OTUD7A: variants seen among roughly 807,000 people sequenced by gnomAD.
The protein encoded by OTUD7A is OTU domain-containing protein 7A.
OTUD7A carries 12 observed loss-of-function variants against 65.7 expected under a neutral mutation model. The ratio of observed to expected loss-of-function variants is 0.18; its 90% CI spans 0.12 to 0.30. The LOEUF is 0.30. Ranked by LOEUF, OTUD7A falls within the 10% of genes least tolerant of loss-of-function variation. The probability of loss-of-function intolerance (pLI) is 1.00; values close to 1 mark genes in which losing one functional copy is unlikely to be tolerated. For missense variants in OTUD7A, 1,148 were observed against 1,304.8 expected (o/e 0.88, Z 1.85); for synonymous variants, 641 against 586.3 (o/e 1.09, Z -1.35).
At chr15:31,834,403 T>C (rs1476406756) in intron 1 of OTUD7A, among the ~76,000 whole-genome samples, 1 of 152,238 alleles carries the variant, frequency 6.6e-6, no homozygotes, top group Non-Finnish European at 1.5e-5. Flanking sequence ...TTTTGTTTTG[T>C]TTTGTTTTGT....
At chr15:31,814,102 AGCTTATTTCTCACGCAT>A (rs1368386320) in intron 1 of OTUD7A, among the ~76,000 whole-genome samples, 2 of 152,242 alleles carry the variant, frequency 1.3e-5, no homozygotes, top group Non-Finnish European at 2.9e-5. Flanking sequence ...TACCCACAAC[AGCTTATTTCTCACGCAT>A]GCTAATTATG....
chr15:31,867,915 G>T (rs907684712), intron 1 of OTUD7A, among the ~76,000 whole-genome samples: 1 of 151,156 alleles, frequency 6.6e-6, no homozygotes, highest in African/African-American at 2.4e-5. Flanking sequence ...AGGGGGAGGG[G>T]CGGGGGGCGG....
intron 10 of OTUD7A, 63 bp downstream of exon 10, chr15:31,501,627 C>T: frequency 6.3e-7 from 1 of 1,599,980 alleles, no homozygotes; most frequent in Non-Finnish European, 8.6e-7. Context: ...CAATGGGGTC[C>T]CTTCTGATGG....
At chr15:31,860,070 T>C (rs964887655) in intron 1 of OTUD7A, among the ~76,000 whole-genome samples, 3 of 152,224 alleles carry the variant, frequency 2.0e-5, no homozygotes, top group African/African-American at 7.2e-5. Flanking sequence ...ATATGACATA[T>C]CCATGTGACC....
At chr15:31,721,222 T>C (rs1173866006) in intron 1 of OTUD7A, among the ~76,000 whole-genome samples, 1 of 152,300 alleles carries the variant, frequency 6.6e-6, no homozygotes, top group Non-Finnish European at 1.5e-5. Context: ...TGTATCTATA[T>C]GTCTGGATAC....
intron 1 of OTUD7A, among the ~76,000 whole-genome samples, chr15:31,678,615 C>T (rs1892644491): frequency 6.6e-6 from 1 of 152,228 alleles, no homozygotes; most frequent in Admixed American, 6.5e-5. Context: ...AGCCCCAAGC[C>T]TTGGCAGCTT....
intron 1 of OTUD7A, among the ~76,000 whole-genome samples, chr15:31,737,472 G>A (rs557102247): frequency 6.6e-6 from 1 of 152,342 alleles, no homozygotes; most frequent in African/African-American, 2.4e-5. Context: ...CCCTGGGGAT[G>A]ACATCCAGGG....
intron 1 of OTUD7A, among the ~76,000 whole-genome samples, chr15:31,724,163 C>T (rs1279996664): frequency 1.3e-5 from 2 of 152,080 alleles, no homozygotes; most frequent in Non-Finnish European, 2.9e-5. Flanking sequence ...CTGTGTATTA[C>T]GGGCATTACA....
Position 31,484,497 on chromosome 15 carries a change from G to C in OTUD7A, c.1599C>G (p.Ile533Met). 6.2e-7 allele frequency: 1 copy of C among 1,609,090 alleles called. No individual in the cohort carries two copies. The highest frequency in any genetic ancestry group is 8.5e-7 in the Non-Finnish European group (1 of 1,179,972). The change falls in exon 13 of 13, where the codon ATC becomes ATG. Residue 533 changes from isoleucine (I) to methionine (M), a missense_variant. By Grantham distance (10) the Ile-to-Met change is conservative. Transcript: ENST00000307050. This position sits in a 1 kb window ranked among gnomAD's most constrained non-coding sequence, Gnocchi z 4.5. ...GGCCGCCCATGTTTTTCTTCAGCTT[G>C]ATGCCCAGCGTCTTGCTGAAGCTGC... ...KLGSFSKTLG[I>M]KLKKNMGGLG...
chr15:31,530,666 C>T (rs1469439596), intron 6 of OTUD7A, 41 bp downstream of exon 6: 2 of 1,571,430 alleles, frequency 1.3e-6, no homozygotes, highest in Admixed American at 3.4e-5. Flanking sequence ...CTTACGCAGG[C>T]CTGGAGCCTG....
intron 1 of OTUD7A, among the ~76,000 whole-genome samples, chr15:31,688,613 C>T (rs903545118): frequency 4.6e-5 from 7 of 152,196 alleles, no homozygotes; most frequent in African/African-American, 1.4e-4. Context: ...ATCACTTTAT[C>T]GATATTATAT....
At chr15:31,820,467 T>C (rs1896650574) in intron 1 of OTUD7A, among the ~76,000 whole-genome samples, 1 of 152,236 alleles carries the variant, frequency 6.6e-6, no homozygotes, top group South Asian at 2.1e-4. Context: ...AAACTGACAT[T>C]GATGCAATCG....
intron 3 of OTUD7A, among the ~76,000 whole-genome samples, chr15:31,641,554 A>G (rs1891517810): frequency 6.6e-6 from 1 of 152,168 alleles, no homozygotes; most frequent in Non-Finnish European, 1.5e-5. Context: ...AACAATATTG[A>G]GTCTTTTGAC....
chr15:31,484,331 A>C lies in OTUD7A; in HGVS notation c.1765T>G (p.Ser589Ala). 6.3e-7 allele frequency: 1 copy of C among 1,599,840 alleles called. No homozygotes were observed. Among genetic ancestry groups the C allele is most frequent in the Non-Finnish European group, 8.5e-7 (1 of 1,178,920 alleles). ...KEESGASAST[S>A]PSEKTTPSPT... is the part of the protein sequence containing the mutation. ...GACGGCGTGGTCTTTTCCGACGGCG[A>C]CGTGCTGGCCGACGCACCAGACTCC... Residue 589 changes from serine (S) to alanine (A), a missense_variant, in exon 13 of 13, where the codon TCG becomes GCG. This residue lies in a region of OTUD7A where 842 missense variants were observed against 769.5 expected (regional missense o/e 1.09). Transcript: ENST00000307050. This position sits in a 1 kb window ranked among gnomAD's most constrained non-coding sequence, Gnocchi z 4.5.
chr15:31,604,526 T>A (rs1278695088), intron 3 of OTUD7A, among the ~76,000 whole-genome samples: 1 of 151,242 alleles, frequency 6.6e-6, no homozygotes, highest in African/African-American at 2.4e-5. Flanking sequence ...CAAACCACCA[T>A]GGCACGTGTA....
intron 1 of OTUD7A, among the ~76,000 whole-genome samples, chr15:31,829,737 T>G (rs985284477): frequency 6.6e-6 from 1 of 152,152 alleles, no homozygotes; most frequent in Non-Finnish European, 1.5e-5. Flanking sequence ...CCAAAATGAT[T>G]CTGGCACAGG....
chr15:31,500,147 C>T lies in OTUD7A; in HGVS notation c.1171+1543G>A, dbSNP rs562850453. ...GCCCCGCCCCTGGCCGATCCCAGGTCCTGAAAAGGCCCTTCTGGTCTCCCA... is the reference window on the plus strand; with the variant it reads ...GCCCCGCCCCTGGCCGATCCCAGGTTCTGAAAAGGCCCTTCTGGTCTCCCA... On this transcript the variant is annotated intron_variant, in intron 10 of 12. Transcript: ENST00000307050. 5.9e-5 allele frequency among the ~76,000 whole-genome samples: 9 copies of T among 152,328 alleles called. No individual in the cohort carries two copies. In the South Asian group the frequency reaches 1.0e-3, roughly 18 times the overall value.
intron 1 of OTUD7A, among the ~76,000 whole-genome samples, chr15:31,859,021 A>C (rs1159158457): frequency 6.6e-6 from 1 of 152,216 alleles, no homozygotes; most frequent in East Asian, 1.9e-4. Context: ...GGGAAGATCA[A>C]ATTAGATAAT....
chr15:31,486,006 G>A (rs1253188596), intron 12 of OTUD7A, among the ~76,000 whole-genome samples: 3 of 152,220 alleles, frequency 2.0e-5, no homozygotes, highest in Non-Finnish European at 4.4e-5. Context: ...GGCTGGGCCA[G>A]GAAGGGAGGT....
Sources: allele counts gnomAD v4.1 joint callset (sites outside exome capture counted in the v4.1 genomes callset), GRCh38; gene constraint gnomAD v4.1.1; regional missense constraint gnomAD v4.1.1; non-coding constraint Gnocchi (gnomAD v3.1); transcripts MANE v1.5; gene names NCBI Gene and HGNC (gene_info 2026-07-23, HGNC 2026-07-21).